Variants in ZNF607 observed in about 807,000 individuals in gnomAD.
ZNF607 encodes the protein zinc finger protein 607.
A neutral mutation model predicts 12.8 loss-of-function variants in ZNF607; 5 were observed. That is an observed-to-expected ratio of 0.39 (90% CI 0.20 to 0.82). The LOEUF is 0.82. ZNF607 is among the 40% of genes least tolerant of loss of function. The pLI, the probability that ZNF607 is intolerant of heterozygous loss-of-function variation, is 0.39. For synonymous variants in ZNF607, 287 were observed against 276.2 expected (o/e 1.04, Z -0.39); for missense variants, 851 against 859.2 (o/e 0.99, Z 0.12).
chr19:37,700,647 G>C (rs934775134), intron 4 of ZNF607, among the ~76,000 whole-genome samples: 2 of 152,108 alleles, frequency 1.3e-5, no homozygotes, highest in African/African-American at 2.4e-5. Flanking sequence ...AGGGAGTTCA[G>C]AGTGAATATT....
At position 37,697,994 on chromosome 19, in the gene ZNF607, A is replaced by G; in HGVS notation, c.*46T>C. 2 of 1,496,424 alleles carry G rather than the reference A, an allele frequency of 1.3e-6. No homozygotes were observed. Among genetic ancestry groups the G allele is most frequent in the Non-Finnish European group, 8.9e-7 (1 of 1,121,856 alleles). The allele number at this position is 1,496,424 out of a possible 1,614,324, so 92.7% of individuals were successfully genotyped here. ...ATTGTTCAGTGGGATAAATCCATTG[A>G]CACAATGTGCTTTCTTTACTACCTG... is the stretch of plus-strand genomic sequence containing the variant. On this transcript the variant is annotated 3_prime_UTR_variant, in exon 5 of 5. Transcript: ENST00000355202.
chr19:37,714,311 AAACAACAACAACAAC>A (rs376072397), intron 1 of ZNF607, among the ~76,000 whole-genome samples: 1 of 139,532 alleles, frequency 7.2e-6, no homozygotes, highest in Admixed American at 7.4e-5. Context: ...CTCCGTCTCA[AAACAACAACAACAAC>A]AACAACAACA....
chr19:37,697,171 C>G lies in ZNF607; in HGVS notation c.*869G>C, dbSNP rs1017623492. The G allele has an allele frequency of 4.1e-6, 3 of 738,848 alleles. No homozygotes were observed. Among genetic ancestry groups the G allele is most frequent in the Non-Finnish European group, 7.6e-6 (3 of 395,414 alleles). 45.8% of individuals were successfully genotyped at this position (738,848 alleles called of 1,614,324 possible). ...TGTAAATCTTTGCTACCAGTGATGACTGGCGCACTACGTGGTTGAGAACAG... is the reference window on the plus strand; with the variant it reads ...TGTAAATCTTTGCTACCAGTGATGAGTGGCGCACTACGTGGTTGAGAACAG... On this transcript the variant is annotated 3_prime_UTR_variant, in exon 5 of 5. Transcript: ENST00000355202.
chr19:37,713,146 C>G (rs556736221), intron 1 of ZNF607, among the ~76,000 whole-genome samples: 21 of 151,788 alleles, frequency 1.4e-4, no homozygotes, highest in Non-Finnish European at 2.4e-4. Context: ...AGTATAAAAC[C>G]TGTTTATCAC....
intron 2 of ZNF607, among the ~76,000 whole-genome samples, 184 bp downstream of exon 2, chr19:37,711,426 G>T (rs2045131600): frequency 1.3e-5 from 2 of 152,204 alleles, no homozygotes; most frequent in African/African-American, 4.8e-5. Context: ...TAGTGAATTT[G>T]CAGTGGCCCA....
chr19:37,719,452 G>T lies in ZNF607; in HGVS notation c.-258C>A, dbSNP rs916315492. On this transcript the variant is annotated 5_prime_UTR_variant, in exon 1 of 5. Transcript: ENST00000355202. ...GCCTGGGGGCCTCCGCGCTCTGAGC[G>T]CCTCCTGCAGCCCCACTCTCACCGC... 6.6e-5 allele frequency: 10 copies of T among 152,522 alleles called. No homozygotes were observed. The highest frequency in any genetic ancestry group is 2.4e-4 in the African/African-American group (10 of 41,458). 9.4% of individuals were successfully genotyped at this position (152,522 alleles called of 1,614,324 possible).
intron 1 of ZNF607, among the ~76,000 whole-genome samples, chr19:37,713,730 C>T (rs112997435): frequency 0.17 from 25,443 of 152,056 alleles, 2,410 homozygotes; most frequent in Middle Eastern, 0.3. Flanking sequence ...TGAGCCACCA[C>T]GCCCGGCCCA....
Position 37,698,252 on chromosome 19 carries a change from G to GAAAT in ZNF607, c.1875_1878dup (p.His627IlefsTer9), listed in dbSNP as rs766173414. ...TGTCTAACAAGATATGAGGCACAGTGAAATGCCTTCCCACATCTTTTACAT... is the reference window on the plus strand; with the variant it reads ...TGTCTAACAAGATATGAGGCACAGTGAAATAAATGCCTTCCCACATCTTTTACAT... On this transcript the variant is annotated frameshift_variant, in exon 5 of 5. Coordinates refer to ENST00000355202, the MANE Select transcript of ZNF607 (RefSeq NM_032689.5). LOFTEE classifies it low-confidence loss of function (END_TRUNC). 6.2e-7 allele frequency: 1 copy of GAAAT among 1,614,166 alleles called. No individual in the cohort carries two copies. Among genetic ancestry groups the GAAAT allele is most frequent in the African/African-American group, 1.3e-5 (1 of 75,048 alleles).
In ZNF607 at chr19:37,719,490, C is replaced by G. The variant is rs1404444391; in HGVS notation, c.-296G>C. 2.0e-5 allele frequency: 3 copies of G among 152,354 alleles called. No homozygotes were observed. The highest frequency in any genetic ancestry group is 2.0e-4 in the Admixed American group (3 of 15,294). 9.4% of individuals were successfully genotyped at this position (152,354 alleles called of 1,614,324 possible). ...CCACTCTCACCGCCACGCAGGGTACCACGCGGGCGGCGGGCTGGGGCTGCA... is the reference window on the plus strand; with the variant it reads ...CCACTCTCACCGCCACGCAGGGTACGACGCGGGCGGCGGGCTGGGGCTGCA... On this transcript the variant is annotated 5_prime_UTR_variant, in exon 1 of 5. Coordinates refer to ENST00000355202, the MANE Select transcript of ZNF607 (RefSeq NM_032689.5).
intron 1 of ZNF607, among the ~76,000 whole-genome samples, chr19:37,714,000 G>A (rs567507145): frequency 7.3e-4 from 111 of 152,144 alleles, no homozygotes; most frequent in African/African-American, 2.4e-3. Flanking sequence ...TACCAAGGAT[G>A]AGTTAGTAAA....
rs1257430197 is a variant in ZNF607, at chr19:37,717,617, GAAACCCCGTCTCT to G, written c.-75+1639_-75+1651del. Among the ~76,000 whole-genome samples the G allele has an allele frequency of 6.1e-3, 848 of 138,606 alleles. 10 individuals are homozygous for G. Among genetic ancestry groups the G allele is most frequent in the African/African-American group, 0.021 (799 of 37,306 alleles). 90.9% of individuals were successfully genotyped at this position (138,606 alleles called of 152,430 possible). A position where few individuals can be genotyped will look rare whatever the true frequency, so the allele number is the denominator to read the frequency against. ...TCAAGACCAGCCTGACCCACATGGAGAAACCCCGTCTCTACTAAAAATACAAAAAAAAAAAAAA... is the reference window on the plus strand; with the variant it reads ...TCAAGACCAGCCTGACCCACATGGAGACTAAAAATACAAAAAAAAAAAAAA... On this transcript the variant is annotated intron_variant, in intron 1 of 4. Transcript: ENST00000355202.
At chr19:37,702,883 T>C (rs1023623773) in intron 4 of ZNF607, among the ~76,000 whole-genome samples, 5 of 152,114 alleles carry the variant, frequency 3.3e-5, no homozygotes, top group Non-Finnish European at 7.4e-5. Flanking sequence ...CCTATAACAC[T>C]ACCTAAAATA....
chr19:37,703,228 C>T (rs1047562186), intron 4 of ZNF607, among the ~76,000 whole-genome samples: 4 of 148,346 alleles, frequency 2.7e-5, no homozygotes, highest in African/African-American at 5.0e-5. Context: ...AGATTACAGG[C>T]GTGAGCTACC....
In ZNF607 at chr19:37,698,979, CTGA is replaced by C. The variant is rs1353377338; in HGVS notation, c.1149_1151del (p.His383del). 3 of 1,613,832 alleles carry C rather than the reference CTGA, an allele frequency of 1.9e-6. No individual in the cohort carries two copies. In the African/African-American group the frequency reaches 4.0e-5, roughly 22 times the overall value. On this transcript the variant is annotated inframe_deletion, in exon 5 of 5. Coordinates refer to ENST00000355202, the MANE Select transcript of ZNF607 (RefSeq NM_032689.5). ...AGGGTTTCTTACCACTATGAATACC[CTGA>C]TGTCGAGTAAGTCGTCCATGCACAC...
In ZNF607 at chr19:37,697,285, C is replaced by A; in HGVS notation, c.*755G>T. Reference sequence around the variant, plus strand: ...ATGTTCTGTACTCCACGGAATTGGTCAAAGATGGCAGCTCTGTGCCCAGCA... The same window carrying A: ...ATGTTCTGTACTCCACGGAATTGGTAAAAGATGGCAGCTCTGTGCCCAGCA... On this transcript the variant is annotated 3_prime_UTR_variant, in exon 5 of 5. Transcript: ENST00000355202. 1 of 886,580 alleles carries A rather than the reference C, an allele frequency of 1.1e-6. No individual in the cohort carries two copies. Among genetic ancestry groups the A allele is most frequent in the South Asian group, 1.3e-5 (1 of 76,142 alleles). The allele number at this position is 886,580 out of a possible 1,614,324, so 54.9% of individuals were successfully genotyped here. A position where few individuals can be genotyped will look rare whatever the true frequency, so the allele number is the denominator to read the frequency against.
In ZNF607 at chr19:37,711,632, C is replaced by A. The variant is rs766302077; in HGVS notation, c.-14G>T. 2.8e-5 allele frequency: 45 copies of A among 1,613,814 alleles called. No individual in the cohort carries two copies. Among genetic ancestry groups the A allele is most frequent in the Non-Finnish European group, 3.6e-5 (42 of 1,179,784 alleles). The stretch of plus-strand genomic sequence containing the variant: ...TACATAGGACATGGTTTGAGACTGG[C>A]AAGAGTTGATCAGTCCTTGGCGTTT... On this transcript the variant is annotated 5_prime_UTR_variant, in exon 2 of 5. Transcript: ENST00000355202.
In ZNF607 at chr19:37,698,701, T is replaced by C. The variant is rs751893792; in HGVS notation, c.1430A>G (p.Tyr477Cys). The C allele has an allele frequency of 7.4e-6, 12 of 1,613,224 alleles. No homozygotes were observed. Among genetic ancestry groups the C allele is most frequent in the Middle Eastern group, 1.6e-4 (1 of 6,082 alleles). The change falls in exon 5 of 5, where the codon TAT becomes TGT. Residue 477 changes from tyrosine to cysteine, a missense_variant. Physicochemically the swap from Tyr to Cys is radical, Grantham distance 194. Transcript: ENST00000355202. ...HERIHTGEKP[Y>C]VCQECGKGFS... is the part of the protein sequence containing the mutation. ...ACCCTTCCCACACTCTTGACATACA[T>C]AGGGTTTCTCTCCTGTATGAATTCT...
At chr19:37,711,535 GA>G in intron 2 of ZNF607, 74 bp downstream of exon 2, 1 of 1,514,744 alleles carries the variant, frequency 6.6e-7, no homozygotes, top group Non-Finnish European at 9.2e-7. Context: ...GTAACTTCAG[GA>G]AAAATGATGA....
At position 37,711,702 on chromosome 19, in the gene ZNF607, GAGA is replaced by G. The variant is rs1293145752; in HGVS notation, c.-74-13_-74-11del. ...TCAAAAGAACCAAGACCTGAAAGAAGAGAAGACCTTGAGACCAGCTGTGCTTTA... is the reference window on the plus strand; with the variant it reads ...TCAAAAGAACCAAGACCTGAAAGAAGAGACCTTGAGACCAGCTGTGCTTTA... On this transcript the variant is annotated splice_polypyrimidine_tract_variant and intron_variant, in intron 1 of 4. Transcript: ENST00000355202. The G allele has an allele frequency of 5.6e-6, 8 of 1,424,924 alleles. No homozygotes were observed. In the East Asian group the frequency reaches 1.4e-4, roughly 24 times the overall value. The allele number at this position is 1,424,924 out of a possible 1,614,324, so 88.3% of individuals were successfully genotyped here.
Sources: gnomAD v4.1 joint callset for allele counts (sites outside exome capture counted in the v4.1 genomes callset) on GRCh38, gnomAD v4.1.1 for gene constraint, MANE v1.5 for transcripts, NCBI Gene and HGNC (gene_info 2026-07-23, HGNC 2026-07-21) for gene names.